The following COBLL1 variants were observed in gnomAD, a reference collection of about 807,000 sequenced individuals.
COBLL1 encodes the protein cordon-bleu protein-like 1.
A neutral mutation model predicts 94.8 loss-of-function variants in COBLL1; 50 were observed. The observed-to-expected ratio is 0.53, with a 90% CI of 0.42 to 0.67. The LOEUF (loss-of-function observed/expected upper bound fraction) is 0.67. Among genes scored for constraint, COBLL1 ranks in the 30% least tolerant of loss-of-function variants. COBLL1 has a pLI of 0.00. For synonymous variants in COBLL1, 448 were observed against 473.8 expected, an observed-to-expected ratio of 0.95 and a Z score of 0.71; for missense variants, 1,362 against 1,348.7, an observed-to-expected ratio of 1.01 and a Z score of -0.15.
intron 2 of COBLL1, 141 bp from the exon 3 acceptor site, chr2:164,744,016 T>C: frequency 3.3e-6 from 2 of 602,574 alleles, no homozygotes; most frequent in South Asian, 3.4e-5. Context: ...ACTGTTAGTG[T>C]TGGATGGTCG....
chr2:164,837,002 A>G (rs1490737826), intron 2 of COBLL1, among the ~76,000 whole-genome samples: 3 of 152,244 alleles, frequency 2.0e-5, no homozygotes, highest in African/African-American at 2.4e-5. Flanking sequence ...AACTCAGTTC[A>G]TACAATCAGT....
intron 5 of COBLL1, among the ~76,000 whole-genome samples, chr2:164,725,446 C>G (rs1332206498): frequency 6.6e-6 from 1 of 151,990 alleles, no homozygotes; most frequent in East Asian, 1.9e-4. Flanking sequence ...TTGAAACGGT[C>G]TCACTCTGTC....
chr2:164,802,828 T>G (rs1177631012), intron 2 of COBLL1, among the ~76,000 whole-genome samples: 1 of 152,004 alleles, frequency 6.6e-6, no homozygotes, highest in East Asian at 1.9e-4. Context: ...CTAAAACTCA[T>G]GCTTAAAGGA....
rs749993306 is a variant in COBLL1, at chr2:164,730,012, A to G, written c.334T>C (p.Phe112Leu). The G allele has an allele frequency of 1.4e-5, 23 of 1,614,078 alleles. No homozygotes were observed. Among genetic ancestry groups the G allele is most frequent in the Non-Finnish European group, 1.9e-5 (22 of 1,179,980 alleles). Reference protein sequence around the residue: ...LLSAEQNHIKFKPNTPIGMLE... With the variant: ...LLSAEQNHIKLKPNTPIGMLE... ...ATTCCTATTGGTGTGTTTGGCTTAA[A>G]TTTAATGTGGTTCTGTTCAGCTGAC... Residue 112 changes from phenylalanine to leucine, a missense_variant, in exon 4 of 14, where the codon TTT (phenylalanine) becomes CTT (leucine). Phe to Leu is a conservative substitution (Grantham distance 22). Coordinates refer to ENST00000652658, the MANE Select transcript of COBLL1 (RefSeq NM_001365672.2).
Position 164,685,727 on chromosome 2 carries a change from A to G in COBLL1, c.*219T>C. ...ACACCTTGTTTTAAAGTTCTAAAGC[A>G]GCATATTCAACTCTTAAGGCAAAAA... On this transcript the variant is annotated 3_prime_UTR_variant, in exon 14 of 14. Transcript: ENST00000652658. 2.7e-6 allele frequency: 1 copy of G among 369,840 alleles called. No individual in the cohort carries two copies. The highest frequency in any genetic ancestry group is 4.8e-6 in the Non-Finnish European group (1 of 209,716). The allele number at this position is 369,840 out of a possible 1,614,324, so 22.9% of individuals were successfully genotyped here. A position where few individuals can be genotyped will look rare whatever the true frequency, so the allele number is the denominator to read the frequency against.
chr2:164,801,774 A>G (rs1490490970), intron 2 of COBLL1, among the ~76,000 whole-genome samples: 1 of 152,178 alleles, frequency 6.6e-6, no homozygotes, highest in Non-Finnish European at 1.5e-5. Context: ...TTTTAAAGTA[A>G]AAGTATCCAT....
chr2:164,837,765 C>T (rs1015207998), intron 2 of COBLL1, among the ~76,000 whole-genome samples: 8 of 151,950 alleles, frequency 5.3e-5, no homozygotes, highest in African/African-American at 7.3e-5. Flanking sequence ...GAAGGAAAAC[C>T]GAAACTGTTG....
In COBLL1 at chr2:164,841,485, C is replaced by G. The variant is rs1683616967; in HGVS notation, c.-51+225G>C. On this transcript the variant is annotated intron_variant, in intron 1 of 13. Transcript: ENST00000652658. This position sits in a 1 kb window ranked among gnomAD's most constrained non-coding sequence, Gnocchi z 5.5. ...GGCGGTGGCGCTGCAGCCCCCGCCC[C>G]GTGGGGTTTACTGGGTAGCCATTTG... 8.9e-7 allele frequency: 1 copy of G among 1,126,736 alleles called. No homozygotes were observed. The highest frequency in any genetic ancestry group is 3.7e-4 in the Middle Eastern group (1 of 2,696). 69.8% of individuals were successfully genotyped at this position (1,126,736 alleles called of 1,614,324 possible). A position where few individuals can be genotyped will look rare whatever the true frequency, so the allele number is the denominator to read the frequency against.
intron 3 of COBLL1, among the ~76,000 whole-genome samples, chr2:164,735,940 T>C (rs921075921): frequency 4.6e-5 from 7 of 152,218 alleles, no homozygotes; most frequent in African/African-American, 1.7e-4. Context: ...TCTATATTAT[T>C]ACACCACATT....
chr2:164,721,859 C>A, intron 7 of COBLL1: 1 of 321,012 alleles, frequency 3.1e-6, no homozygotes, highest in Non-Finnish European at 5.6e-6. Context: ...TTATCCTTTA[C>A]TGCATCACAG....
At position 164,801,455 on chromosome 2, in the gene COBLL1, A is replaced by C. The variant is rs866098253; in HGVS notation, c.41+39701T>G. Among the ~76,000 whole-genome samples the C allele has an allele frequency of 7.8e-3, 1,137 of 146,700 alleles. 31 individuals carry two copies. Among genetic ancestry groups the C allele is most frequent in the African/African-American group, 0.028 (1,084 of 39,380 alleles). On this transcript the variant is annotated intron_variant, in intron 2 of 13. Transcript: ENST00000652658. ...CTCCGTCTCAAAAAAAAAAAAAAAAAAAAAAAAAAAAAAAGCTTAGCTAAG... is the reference window on the plus strand; with the variant it reads ...CTCCGTCTCAAAAAAAAAAAAAAAACAAAAAAAAAAAAAAGCTTAGCTAAG...
intron 7 of COBLL1, among the ~76,000 whole-genome samples, chr2:164,706,479 A>C (rs1684610008): frequency 6.6e-6 from 1 of 152,178 alleles, no homozygotes; most frequent in South Asian, 2.1e-4. Context: ...GATGAATTCC[A>C]AATCCACGTC....
At chr2:164,757,544 T>C (rs1359870825) in intron 2 of COBLL1, among the ~76,000 whole-genome samples, 1 of 151,800 alleles carries the variant, frequency 6.6e-6, no homozygotes, top group Non-Finnish European at 1.5e-5. Flanking sequence ...TAGAAGTGAA[T>C]AGAATTTTAC....
At chr2:164,719,464 G>C (rs2061006) in intron 7 of COBLL1, among the ~76,000 whole-genome samples, 24,447 of 152,124 alleles carry the variant, frequency 0.16, 2,105 homozygotes, top group East Asian at 0.3. Context: ...TGAAATCAAG[G>C]TGTTGGCGGA....
chr2:164,790,441 A>G (rs1683130627), intron 2 of COBLL1, among the ~76,000 whole-genome samples: 1 of 152,170 alleles, frequency 6.6e-6, no homozygotes, highest in South Asian at 2.1e-4. Flanking sequence ...CATTTATTTT[A>G]ATGTTTAATA....
chr2:164,826,140 A>G (rs1047881128), intron 2 of COBLL1, among the ~76,000 whole-genome samples: 1 of 152,242 alleles, frequency 6.6e-6, no homozygotes, highest in East Asian at 1.9e-4. Context: ...TACATAAGAG[A>G]AAAGTGAAAT....
chr2:164,831,713 ACAGACCAG>A (rs1483123932), intron 2 of COBLL1, among the ~76,000 whole-genome samples: 1 of 152,084 alleles, frequency 6.6e-6, no homozygotes, highest in African/African-American at 2.4e-5. Context: ...GGGAGCTGCC[ACAGACCAG>A]GAAATACAGG....
intron 7 of COBLL1, among the ~76,000 whole-genome samples, chr2:164,714,276 T>C (rs976448726): frequency 6.6e-6 from 1 of 150,468 alleles, no homozygotes; most frequent in Non-Finnish European, 1.5e-5. Flanking sequence ...TCTGATAAAG[T>C]ATATAAACTA....
At chr2:164,795,701 G>A (rs1046834574) in intron 2 of COBLL1, among the ~76,000 whole-genome samples, 9 of 152,184 alleles carry the variant, frequency 5.9e-5, no homozygotes, top group East Asian at 1.9e-4. Flanking sequence ...ATTAGGAAAC[G>A]TAAAATAATA....
Sources: gnomAD v4.1 joint callset for allele counts (sites outside exome capture counted in the v4.1 genomes callset) on GRCh38, gnomAD v4.1.1 for gene constraint, Gnocchi (gnomAD v3.1) non-coding constraint, MANE v1.5 for transcripts, NCBI Gene and HGNC (gene_info 2026-07-23, HGNC 2026-07-21) for gene names.